CFAP299: variants seen among roughly 807,000 people sequenced by gnomAD.
CFAP299 encodes the protein cilia and flagella associated protein 299.
Under a neutral mutation model 27.0 loss-of-function variants are expected in CFAP299, and 21 were observed. The observed-to-expected ratio is 0.78, with a 90% CI of 0.55 to 1.12. The LOEUF (loss-of-function observed/expected upper bound fraction) is 1.12. Ranked by LOEUF, CFAP299 falls within the 50% of genes most tolerant of loss-of-function variation. CFAP299 has a pLI of 0.00. For missense variants in CFAP299, 310 were observed against 276.6 expected, an observed-to-expected ratio of 1.12 and a Z score of -0.86; for synonymous variants, 104 against 98.1, an observed-to-expected ratio of 1.06 and a Z score of -0.36.
chr4:80,400,129 A>C, intron 2 of CFAP299, among the ~76,000 whole-genome samples: 1 of 152,170 alleles, frequency 6.6e-6, no homozygotes, highest in Non-Finnish European at 1.5e-5. Flanking sequence ...GTTGATATAG[A>C]TGCAATTAGA....
intron 4 of CFAP299, among the ~76,000 whole-genome samples, chr4:80,898,898 A>G (rs1734745737): frequency 6.6e-6 from 1 of 152,190 alleles, no homozygotes. Flanking sequence ...ATAATCAAGA[A>G]CAGCTTCTCT....
intron 3 of CFAP299, among the ~76,000 whole-genome samples, chr4:80,632,267 T>G (rs779594680): frequency 1.3e-5 from 2 of 148,256 alleles, no homozygotes; most frequent in Non-Finnish European, 3.0e-5. Context: ...TTGGTTTTCC[T>G]TTAATAAAGA....
rs547451909 is a variant in CFAP299 at position 80,339,665 on chromosome 4, G to T, written c.111+3786G>T. Among the ~76,000 whole-genome samples, 7 of 152,312 alleles carry T rather than the reference G, an allele frequency of 4.6e-5. No individual in the cohort carries two copies. In the East Asian group the frequency reaches 1.3e-3, roughly 29 times the overall value. Reference sequence around the variant, plus strand: ...TTAGATTTTCCTCTGCTAACCCAAAGAAATATATTTGTTCTGGGAGTTAGT... The same window carrying T: ...TTAGATTTTCCTCTGCTAACCCAAATAAATATATTTGTTCTGGGAGTTAGT... On this transcript the variant is annotated intron_variant, in intron 1 of 5. Coordinates refer to ENST00000358105, the MANE Select transcript of CFAP299 (RefSeq NM_152770.3).
At chr4:80,664,610 TA>T (rs1027565717) in intron 3 of CFAP299, among the ~76,000 whole-genome samples, 3 of 152,158 alleles carry the variant, frequency 2.0e-5, no homozygotes, top group Admixed American at 2.0e-4. Flanking sequence ...AGGTTGACTT[TA>T]GACTGCTGTG....
At position 80,517,229 on chromosome 4, in the gene CFAP299, GAAAT is replaced by G. The variant is rs34062100; in HGVS notation, c.243-65862_243-65859del. ...TCTAAATTGTGGGGTAGGAAGGAAAGAAATAGGAAATTGTTTAGAATGAATGGAC... is the reference window on the plus strand; with the variant it reads ...TCTAAATTGTGGGGTAGGAAGGAAAGAGGAAATTGTTTAGAATGAATGGAC... On this transcript the variant is annotated intron_variant, in intron 2 of 5. Coordinates refer to ENST00000358105, the MANE Select transcript of CFAP299 (RefSeq NM_152770.3). Among the ~76,000 whole-genome samples the G allele has an allele frequency of 2.7e-3, 413 of 152,284 alleles. 2 individuals are homozygous for G. Among genetic ancestry groups the G allele is most frequent in the Non-Finnish European group, 4.6e-3 (316 of 68,020 alleles).
rs111893306 is a variant in CFAP299 at position 80,528,528 on chromosome 4, T to C, written c.243-54565T>C. 6.5e-3 allele frequency among the ~76,000 whole-genome samples: 983 copies of C among 152,236 alleles called. 12 individuals are homozygous for C. Among genetic ancestry groups the C allele is most frequent in the African/African-American group, 0.022 (929 of 41,548 alleles). On this transcript the variant is annotated intron_variant, in intron 2 of 5. Transcript: ENST00000358105. ...CTGCTATCGTCCCACTCCCTGTCCC[T>C]GAACTTGCTTTTCTTCTCTTATCTG...
chr4:80,780,588 A>T lies in CFAP299; in HGVS notation c.334-89405A>T, dbSNP rs183109950. ...TAGAAGAAAGCAAATTATTCTTATC[A>T]GTCTCCTAGTTCTTTTAGCATCAAT... On this transcript the variant is annotated intron_variant, in intron 3 of 5. Transcript: ENST00000358105. Among the ~76,000 whole-genome samples, 384 of 152,182 alleles carry T rather than the reference A, an allele frequency of 2.5e-3. 1 individual carries two copies. Among genetic ancestry groups the T allele is most frequent in the African/African-American group, 8.7e-3 (363 of 41,566 alleles).
intron 3 of CFAP299, among the ~76,000 whole-genome samples, chr4:80,784,899 T>C (rs958261908): frequency 1.3e-5 from 2 of 152,164 alleles, no homozygotes; most frequent in African/African-American, 2.4e-5. Context: ...AGGTTATTTG[T>C]TTTTTTCCTA....
chr4:80,390,997 A>G (rs1351403824), intron 2 of CFAP299, among the ~76,000 whole-genome samples: 2 of 148,198 alleles, frequency 1.3e-5, no homozygotes, highest in East Asian at 4.0e-4. Context: ...ATATATGTAT[A>G]TATGTATGTA....
intron 3 of CFAP299, among the ~76,000 whole-genome samples, chr4:80,606,408 G>A (rs748237199): frequency 8.6e-5 from 13 of 152,010 alleles, no homozygotes; most frequent in Admixed American, 2.0e-4. Context: ...GGTGGCAGGC[G>A]CCTGTAATCC....
At chr4:80,459,481 A>G (rs1729333329) in intron 2 of CFAP299, among the ~76,000 whole-genome samples, 3 of 152,134 alleles carry the variant, frequency 2.0e-5, no homozygotes. Context: ...TTCCAAGTGT[A>G]CTTTACTTCC....
At chr4:80,415,153 C>G (rs1214034411) in intron 2 of CFAP299, among the ~76,000 whole-genome samples, 1 of 152,166 alleles carries the variant, frequency 6.6e-6, no homozygotes, top group Non-Finnish European at 1.5e-5. Context: ...AATATAACCT[C>G]TATCATTTAT....
intron 2 of CFAP299, among the ~76,000 whole-genome samples, chr4:80,440,975 A>G (rs1728330830): frequency 6.6e-6 from 1 of 152,210 alleles, no homozygotes; most frequent in African/African-American, 2.4e-5. Flanking sequence ...GGAAGATCAA[A>G]TGAAAATAAA....
chr4:80,653,400 C>A lies in CFAP299; in HGVS notation c.333+70217C>A, dbSNP rs372452883. Among the ~76,000 whole-genome samples, 767 of 101,430 alleles carry A rather than the reference C, an allele frequency of 7.6e-3. 5 individuals are homozygous for A. The highest frequency in any genetic ancestry group is 0.028 in the Middle Eastern group (6 of 214). 66.5% of individuals were successfully genotyped at this position (101,430 alleles called of 152,430 possible). ...ACTCAACTGGATTATGTATACAGTA[C>A]AAAAATTTAAAAAATTACAAATGGC... On this transcript the variant is annotated intron_variant, in intron 3 of 5. Coordinates refer to ENST00000358105, the MANE Select transcript of CFAP299 (RefSeq NM_152770.3).
chr4:80,424,201 T>C (rs1182366126), intron 2 of CFAP299, among the ~76,000 whole-genome samples: 2 of 152,222 alleles, frequency 1.3e-5, no homozygotes, highest in African/African-American at 4.8e-5. Flanking sequence ...TCAGTGGCAC[T>C]CTTCCTTCTC....
At chr4:80,495,709 G>C (rs572578387) in intron 2 of CFAP299, among the ~76,000 whole-genome samples, 1 of 152,236 alleles carries the variant, frequency 6.6e-6, no homozygotes, top group Non-Finnish European at 1.5e-5. Context: ...ACCCAAGACC[G>C]GGCAATTTAT....
chr4:80,423,785 C>CA (rs1338103588), intron 2 of CFAP299, among the ~76,000 whole-genome samples: 1 of 152,146 alleles, frequency 6.6e-6, no homozygotes, highest in African/African-American at 2.4e-5. Flanking sequence ...ATGGGTGACT[C>CA]ACCCACTGTA....
At chr4:80,771,319 C>A (rs556923553) in intron 3 of CFAP299, among the ~76,000 whole-genome samples, 1 of 152,206 alleles carries the variant, frequency 6.6e-6, no homozygotes, top group African/African-American at 2.4e-5. Flanking sequence ...AATTTATTTA[C>A]CTCCCACCAA....
chr4:80,658,933 A>G (rs1022815193), intron 3 of CFAP299, among the ~76,000 whole-genome samples: 2 of 152,154 alleles, frequency 1.3e-5, no homozygotes, highest in African/African-American at 2.4e-5. Context: ...ATTGACATTT[A>G]TATTTTCCAC....
Sources: gnomAD v4.1 joint callset for allele counts (sites outside exome capture counted in the v4.1 genomes callset) on GRCh38, gnomAD v4.1.1 for gene constraint, MANE v1.5 for transcripts, NCBI Gene and HGNC (gene_info 2026-07-23, HGNC 2026-07-21) for gene names.